PPARGC1A: variants seen among roughly 807,000 people sequenced by gnomAD.
The protein encoded by PPARGC1A is PPARG coactivator 1 alpha, also known as peroxisome proliferator-activated receptor gamma coactivator 1-alpha.
Under a neutral mutation model 88.7 loss-of-function variants are expected in PPARGC1A, and 25 were observed. That is an observed-to-expected ratio of 0.28 (90% CI 0.21 to 0.39). The LOEUF is 0.39. Among genes scored for constraint, PPARGC1A ranks in the 10% least tolerant of loss-of-function variants. The probability of loss-of-function intolerance (pLI) is 1.00; values close to 1 mark genes in which losing one functional copy is unlikely to be tolerated. For missense variants in PPARGC1A, 880 were observed against 968.7 expected (o/e 0.91, Z 1.22); for synonymous variants, 363 against 355.6 (o/e 1.02, Z -0.24).
chr4:24,460,417 G>T, the PPARGC1A span, among the ~76,000 whole-genome samples: 1 of 152,128 alleles, frequency 6.6e-6, no homozygotes, highest in Non-Finnish European at 1.5e-5. Context: ...CACAGTGAAA[G>T]AATGAATATG....
chr4:23,798,409 A>C (rs1718030517), intron 12 of PPARGC1A, among the ~76,000 whole-genome samples: 1 of 152,216 alleles, frequency 6.6e-6, no homozygotes. Context: ...GAAGGAATAT[A>C]CTAATCTCAA....
chr4:24,472,208 G>C, the PPARGC1A span, among the ~76,000 whole-genome samples: 49 of 152,262 alleles, frequency 3.2e-4, no homozygotes, highest in Middle Eastern at 0.01. The surrounding 1 kb of genome is among the most constrained non-coding windows in gnomAD (Gnocchi z 4.5). Context: ...ATGGGGGAAG[G>C]GGGGGTATCT....
intron 2 of PPARGC1A, among the ~76,000 whole-genome samples, chr4:23,878,238 T>TC (rs982103352): frequency 2.0e-5 from 3 of 151,992 alleles, no homozygotes; most frequent in African/African-American, 4.8e-5. Context: ...ATCATTGGTT[T>TC]CTCCTATCCC....
At chr4:23,967,099 A>C in the PPARGC1A span, among the ~76,000 whole-genome samples, 1 of 152,150 alleles carries the variant, frequency 6.6e-6, no homozygotes, top group Non-Finnish European at 1.5e-5. Context: ...ATTCTAATGA[A>C]TCCTATAGCA....
the PPARGC1A span, among the ~76,000 whole-genome samples, chr4:24,183,227 A>T: frequency 0.038 from 5,750 of 152,292 alleles, 175 homozygotes; most frequent in Non-Finnish European, 0.058. Flanking sequence ...AGTGCCAGAC[A>T]CTGCTCTAAG....
At chr4:24,437,654 TG>T in the PPARGC1A span, among the ~76,000 whole-genome samples, 2 of 150,820 alleles carry the variant, frequency 1.3e-5, no homozygotes, top group Non-Finnish European at 3.0e-5. Flanking sequence ...TTTGGTTTTT[TG>T]GGGGTTTTTT....
chr4:23,998,727 G>A, the PPARGC1A span, among the ~76,000 whole-genome samples: 2 of 152,188 alleles, frequency 1.3e-5, no homozygotes, highest in South Asian at 4.2e-4. Context: ...AATATGTATG[G>A]CTTTATTGAC....
chr4:24,103,521 A>G, the PPARGC1A span, among the ~76,000 whole-genome samples: 1 of 150,620 alleles, frequency 6.6e-6, no homozygotes, highest in Non-Finnish European at 1.5e-5. Flanking sequence ...TGCAAGAAGC[A>G]CTAGTCTCTC....
chr4:24,221,764 C>A, the PPARGC1A span, among the ~76,000 whole-genome samples: 2 of 151,934 alleles, frequency 1.3e-5, no homozygotes, highest in African/African-American at 2.4e-5. Flanking sequence ...CAGAGCAGAC[C>A]CTCACTCAAA....
At chr4:23,950,622 A>G in the PPARGC1A span, among the ~76,000 whole-genome samples, 14 of 152,256 alleles carry the variant, frequency 9.2e-5, no homozygotes, top group East Asian at 1.2e-3. Context: ...TTTGCTTGCC[A>G]TAAGTTAACA....
the PPARGC1A span, among the ~76,000 whole-genome samples, chr4:24,006,608 T>C: frequency 6.6e-6 from 1 of 152,178 alleles, no homozygotes; most frequent in Non-Finnish European, 1.5e-5. Context: ...TGGAAAACAT[T>C]CTATACAGTT....
At chr4:23,833,242 C>G (rs918492458) in intron 2 of PPARGC1A, among the ~76,000 whole-genome samples, 5 of 152,188 alleles carry the variant, frequency 3.3e-5, no homozygotes, top group Admixed American at 6.5e-5. Flanking sequence ...ATATTCTATG[C>G]ACGTGGACAA....
At chr4:24,316,726 C>T in the PPARGC1A span, among the ~76,000 whole-genome samples, 1 of 152,172 alleles carries the variant, frequency 6.6e-6, no homozygotes, top group Admixed American at 6.5e-5. Flanking sequence ...TAATGCTTAT[C>T]CTTAAAGATT....
chr4:23,866,472 T>G (rs1267692787), intron 2 of PPARGC1A, among the ~76,000 whole-genome samples: 1 of 152,220 alleles, frequency 6.6e-6, no homozygotes, highest in African/African-American at 2.4e-5. Flanking sequence ...TATTGGGATG[T>G]TTTAAAAATC....
chr4:24,430,630 A>G, the PPARGC1A span, among the ~76,000 whole-genome samples: 1 of 152,090 alleles, frequency 6.6e-6, no homozygotes, highest in African/African-American at 2.4e-5. Flanking sequence ...AAACCCTGCT[A>G]TGGGCCACAG....
At chr4:24,464,596 T>C in the PPARGC1A span, among the ~76,000 whole-genome samples, 4 of 152,222 alleles carry the variant, frequency 2.6e-5, no homozygotes, top group African/African-American at 4.8e-5. Context: ...GGCAAGAGAT[T>C]ACATGGATGT....
the PPARGC1A span, among the ~76,000 whole-genome samples, chr4:24,092,896 C>T: frequency 3.9e-5 from 6 of 152,324 alleles, no homozygotes; most frequent in South Asian, 8.3e-4. Flanking sequence ...TACAAATTCC[C>T]GTGCTCGCAG....
At chr4:24,218,854 G>C in the PPARGC1A span, among the ~76,000 whole-genome samples, 1 of 152,178 alleles carries the variant, frequency 6.6e-6, no homozygotes, top group African/African-American at 2.4e-5. Context: ...TTCCTGAATA[G>C]AGTAATTTTA....
the PPARGC1A span, among the ~76,000 whole-genome samples, chr4:24,083,060 G>A: frequency 6.6e-6 from 1 of 152,178 alleles, no homozygotes; most frequent in Non-Finnish European, 1.5e-5. Context: ...AGAACAGGCA[G>A]ATGAGGGCAC....
Sources: gnomAD v4.1 joint callset for allele counts (sites outside exome capture counted in the v4.1 genomes callset) on GRCh38, gnomAD v4.1.1 for gene constraint, Gnocchi (gnomAD v3.1) non-coding constraint, MANE v1.5 for transcripts, NCBI Gene and HGNC (gene_info 2026-07-23, HGNC 2026-07-21) for gene names.